The following HACE1 variants were observed in gnomAD, a reference collection of about 807,000 sequenced individuals.
HACE1 encodes the protein E3 ubiquitin-protein ligase HACE1.
A neutral mutation model predicts 118.4 loss-of-function variants in HACE1; 73 were observed. The observed-to-expected ratio is 0.62, with a 90% CI of 0.51 to 0.75. HACE1 has a LOEUF of 0.75. HACE1 is among the 30% of genes least tolerant of loss of function. The probability of loss-of-function intolerance (pLI) is 0.00; values close to 1 mark genes in which losing one functional copy is unlikely to be tolerated. For missense variants in HACE1, 749 were observed against 1,102.2 expected (o/e 0.68, Z 4.54); for synonymous variants, 368 against 374.8 (o/e 0.98, Z 0.21).
chr6:104,852,395 T>C (rs1776333630), intron 1 of HACE1, 24 bp from the exon 2 acceptor site: 1 of 1,323,578 alleles, frequency 7.6e-7, no homozygotes, highest in Non-Finnish European at 1.1e-6. Context: ...AACAAAGAGT[T>C]CATTTATCCC....
intron 19 of HACE1, among the ~76,000 whole-genome samples, chr6:104,753,536 A>G (rs1237402692): frequency 6.6e-6 from 1 of 152,166 alleles, no homozygotes; most frequent in Non-Finnish European, 1.5e-5. Context: ...CTTCCAGAGG[A>G]AGGACCTGCC....
intron 5 of HACE1, among the ~76,000 whole-genome samples, chr6:104,834,787 G>T (rs1774360581): frequency 6.6e-6 from 1 of 152,076 alleles, no homozygotes; most frequent in Non-Finnish European, 1.5e-5. Flanking sequence ...CTCCCAAAAG[G>T]CTCAAGAATC....
intron 1 of HACE1, chr6:104,858,488 C>A: frequency 5.0e-6 from 2 of 398,502 alleles, no homozygotes; most frequent in Non-Finnish European, 9.9e-6. Context: ...TCACTTGAGC[C>A]CAGGAGTTCA....
At chr6:104,789,186 C>G (rs1202818182) in intron 11 of HACE1, among the ~76,000 whole-genome samples, 1 of 152,024 alleles carries the variant, frequency 6.6e-6, no homozygotes, top group African/African-American at 2.4e-5. Context: ...AATGGAAGGG[C>G]AGATCATTTT....
At chr6:104,780,638 A>C (rs1781628745) in intron 14 of HACE1, among the ~76,000 whole-genome samples, 1 of 152,124 alleles carries the variant, frequency 6.6e-6, no homozygotes, top group Admixed American at 6.5e-5. Flanking sequence ...TCCCCTATAA[A>C]CACTTAGGCA....
At position 104,750,485 on chromosome 6, in the gene HACE1, A is replaced by T. The variant is rs775646467; in HGVS notation, c.2212-13T>A. 1 of 1,611,904 alleles carries T rather than the reference A, an allele frequency of 6.2e-7. No individual in the cohort carries two copies. Among genetic ancestry groups the T allele is most frequent in the South Asian group, 1.1e-5 (1 of 90,984 alleles). On this transcript the variant is annotated splice_polypyrimidine_tract_variant and intron_variant, in intron 19 of 23. Transcript: ENST00000262903. Reference sequence around the variant, plus strand: ...GGACGTACTCCGCCTGTTGAAAAAGAAGTTTTCATGATGACTTTTCAAAAA... The same window carrying T: ...GGACGTACTCCGCCTGTTGAAAAAGTAGTTTTCATGATGACTTTTCAAAAA...
chr6:104,794,942 A>G (rs758013293), intron 10 of HACE1, among the ~76,000 whole-genome samples: 3 of 151,994 alleles, frequency 2.0e-5, no homozygotes, highest in Non-Finnish European at 2.9e-5. Context: ...GTGTGTGTGT[A>G]TACATATATA....
chr6:104,853,356 A>G, intron 1 of HACE1, among the ~76,000 whole-genome samples: 1 of 152,184 alleles, frequency 6.6e-6, no homozygotes, highest in East Asian at 1.9e-4. Context: ...AATTCACAAA[A>G]ACATGACCCA....
chr6:104,745,731 G>C (rs973749236), intron 20 of HACE1, among the ~76,000 whole-genome samples: 1 of 152,092 alleles, frequency 6.6e-6, no homozygotes, highest in East Asian at 1.9e-4. Context: ...GTGAACCACC[G>C]TGCCCGGCCA....
At chr6:104,744,931 G>A (rs1777239632) in intron 20 of HACE1, among the ~76,000 whole-genome samples, 1 of 151,998 alleles carries the variant, frequency 6.6e-6, no homozygotes, top group Non-Finnish European at 1.5e-5. Flanking sequence ...CATTATCTTT[G>A]GTTTACTTTA....
At chr6:104,810,246 A>T (rs995619340) in intron 7 of HACE1, among the ~76,000 whole-genome samples, 8 of 152,098 alleles carry the variant, frequency 5.3e-5, no homozygotes, top group African/African-American at 1.9e-4. Context: ...GGAATCAGAA[A>T]GATCTGGAAG....
intron 6 of HACE1, among the ~76,000 whole-genome samples, chr6:104,811,768 T>G (rs1231035373): frequency 2.6e-5 from 4 of 152,158 alleles, no homozygotes; most frequent in Admixed American, 2.0e-4. Context: ...TGAATCTAAA[T>G]AGCCACATGT....
In HACE1 at chr6:104,784,213, G is replaced by A. The variant is rs200714643; in HGVS notation, c.1479-40C>T. ...TTTTGTTTAAATGGACAGGAAGAAT[G>A]AGTAGCATTAAGTGAAATGCAAATT... On this transcript the variant is annotated intron_variant, in intron 13 of 23. Coordinates refer to ENST00000262903, the MANE Select transcript of HACE1 (RefSeq NM_020771.4). 6.7e-5 allele frequency: 76 copies of A among 1,140,230 alleles called. No homozygotes were observed. The African/African-American group carries it at 8.8e-4, about 13-fold the overall frequency. The allele number at this position is 1,140,230 out of a possible 1,614,324, so 70.6% of individuals were successfully genotyped here.
chr6:104,758,437 T>A (rs1778960686), intron 19 of HACE1, among the ~76,000 whole-genome samples: 1 of 152,146 alleles, frequency 6.6e-6, no homozygotes, highest in African/African-American at 2.4e-5. Flanking sequence ...GAATTTCATA[T>A]CCAGCCAAAC....
At chr6:104,839,218 C>T (rs548855433) in intron 5 of HACE1, among the ~76,000 whole-genome samples, 1 of 152,300 alleles carries the variant, frequency 6.6e-6, no homozygotes, top group Admixed American at 6.5e-5. Context: ...CCAATGTGTA[C>T]CCTGCTGTTT....
At chr6:104,770,627 G>C (rs1295840936) in intron 19 of HACE1, among the ~76,000 whole-genome samples, 1 of 152,156 alleles carries the variant, frequency 6.6e-6, no homozygotes, top group East Asian at 1.9e-4. Context: ...GCCAAGGCAG[G>C]AGAATTGCTC....
At chr6:104,856,387 T>C (rs985785337) in intron 1 of HACE1, among the ~76,000 whole-genome samples, 3 of 152,098 alleles carry the variant, frequency 2.0e-5, no homozygotes, top group Admixed American at 1.3e-4. Flanking sequence ...ATTCACTATA[T>C]AGTAGTTCAA....
intron 14 of HACE1, 149 bp downstream of exon 14, chr6:104,783,937 A>G: frequency 1.6e-6 from 1 of 643,418 alleles, no homozygotes; most frequent in South Asian, 1.9e-5. Flanking sequence ...TATTTCTTGA[A>G]GAAAACTTAC....
Position 104,775,112 on chromosome 6 carries a change from C to A in HACE1, c.1864+1629G>T, listed in dbSNP as rs140003796. 4.4e-3 allele frequency among the ~76,000 whole-genome samples: 676 copies of A among 152,198 alleles called. 6 individuals carry two copies. Among genetic ancestry groups the A allele is most frequent in the African/African-American group, 0.015 (632 of 41,540 alleles). On this transcript the variant is annotated intron_variant, in intron 17 of 23. Coordinates refer to ENST00000262903, the MANE Select transcript of HACE1 (RefSeq NM_020771.4). ...ATCCCAGAACTTTGGGAGGCCGAGG[C>A]GGGTAGATAACCTGAGCTCAAGAGT...
Sources: gnomAD v4.1 joint callset for allele counts (sites outside exome capture counted in the v4.1 genomes callset) on GRCh38, gnomAD v4.1.1 for gene constraint, MANE v1.5 for transcripts, NCBI Gene and HGNC (gene_info 2026-07-23, HGNC 2026-07-21) for gene names.